Variants in C1D observed in about 807,000 individuals in gnomAD.
The protein encoded by C1D is C1D nuclear receptor corepressor, also known as nuclear nucleic acid-binding protein C1D.
A neutral mutation model predicts 17.5 loss-of-function variants in C1D; 10 were observed. The observed-to-expected ratio is 0.57, with a 90% CI of 0.35 to 0.97. The LOEUF is 0.97. Ranked by LOEUF, C1D falls within the 50% of genes least tolerant of loss-of-function variation. C1D has a pLI of 0.01. For synonymous variants in C1D, 49 were observed against 54.0 expected, an observed-to-expected ratio of 0.91 and a Z score of 0.40; for missense variants, 136 against 160.1, an observed-to-expected ratio of 0.85 and a Z score of 0.81.
At chr2:68,049,001 A>AGCCTGGCCAACATAGTGAAACCC (rs1454396232) in intron 1 of C1D, among the ~76,000 whole-genome samples, 2 of 152,132 alleles carry the variant, frequency 1.3e-5, no homozygotes, top group African/African-American at 2.4e-5. Flanking sequence ...GTTCGAGACC[A>AGCCTGGCCAACATAGTGAAACCC]GCCTGGCCAA....
chr2:68,046,779 C>T (rs1484555952), intron 2 of C1D, among the ~76,000 whole-genome samples: 1 of 152,058 alleles, frequency 6.6e-6, no homozygotes, highest in Non-Finnish European at 1.5e-5. Flanking sequence ...GTATAAGAAG[C>T]AGGCTTAGGC....
In C1D at chr2:68,046,412, T is replaced by C. The variant is rs1671122712; in HGVS notation, c.139-2A>G. 1.3e-5 allele frequency: 21 copies of C among 1,605,228 alleles called. No individual in the cohort carries two copies. Among genetic ancestry groups the C allele is most frequent in the Non-Finnish European group, 1.8e-5 (21 of 1,174,108 alleles). Reference sequence around the variant, plus strand: ...TTTTGCTTGTTCAAGTGGATCCAACTGTTAAAAAAGAAAGAGAGAGGGAAA... The same window carrying C: ...TTTTGCTTGTTCAAGTGGATCCAACCGTTAAAAAAGAAAGAGAGAGGGAAA... On this transcript the variant is annotated splice_acceptor_variant, in intron 2 of 4. Coordinates refer to ENST00000410067, the MANE Select transcript of C1D (RefSeq NM_173177.3). LOFTEE classifies it high-confidence loss of function.
In C1D at chr2:68,062,386, C is replaced by T. The variant is rs187354463; in HGVS notation, c.-10+572G>A. Among the ~76,000 whole-genome samples the T allele has an allele frequency of 2.8e-3, 419 of 152,270 alleles. 2 individuals are homozygous for T. Among genetic ancestry groups the T allele is most frequent in the African/African-American group, 9.8e-3 (408 of 41,544 alleles). ...TATTTTGAAACAAGTTTGAGTTACA[C>T]TGAACTTATCCGGGTCATCAAGAAA... On this transcript the variant is annotated intron_variant, in intron 1 of 4. Transcript: ENST00000410067.
Position 68,046,014 on chromosome 2 carries a change from T to C in C1D, c.235A>G (p.Lys79Glu). The C allele has an allele frequency of 6.3e-7, 1 of 1,590,272 alleles. No individual in the cohort carries two copies. The highest frequency in any genetic ancestry group is 8.6e-7 in the Non-Finnish European group (1 of 1,168,426). ...AATTCCTGTTTTACTGGATGTTCCT[T>C]AGGATTAACTCCTTGGGTTGCCAAA... Reference protein sequence around the residue: ...VYLATQGVNPKEHPVKQELER... With the variant: ...VYLATQGVNPEEHPVKQELER... The change falls in exon 4 of 5, where the codon AAG becomes GAG. Residue 79 changes from lysine (K) to glutamate (E), a missense_variant. Transcript: ENST00000410067.
chr2:68,056,741 G>A (rs1415738931), intron 1 of C1D, among the ~76,000 whole-genome samples: 1 of 152,102 alleles, frequency 6.6e-6, no homozygotes, highest in Admixed American at 6.5e-5. Flanking sequence ...GTCAAATAGG[G>A]AAAAATTAAA....
intron 1 of C1D, among the ~76,000 whole-genome samples, chr2:68,049,480 A>G (rs1000118970): frequency 1.3e-5 from 2 of 152,204 alleles, no homozygotes; most frequent in Non-Finnish European, 2.9e-5. Flanking sequence ...AATGAAAACA[A>G]TGATGTTCTT....
chr2:68,044,581 G>T (rs892170804), intron 4 of C1D, among the ~76,000 whole-genome samples: 1 of 152,118 alleles, frequency 6.6e-6, no homozygotes, highest in African/African-American at 2.4e-5. Context: ...GGTGGCAGGC[G>T]CCTGTAATTC....
At chr2:68,059,664 AC>A (rs1377010628) in intron 1 of C1D, among the ~76,000 whole-genome samples, 1 of 152,196 alleles carries the variant, frequency 6.6e-6, no homozygotes, top group Non-Finnish European at 1.5e-5. Flanking sequence ...GCTGCACCTG[AC>A]AAAACTGAAC....
chr2:68,051,195 G>T (rs1671270738), intron 1 of C1D, among the ~76,000 whole-genome samples: 1 of 152,130 alleles, frequency 6.6e-6, no homozygotes, highest in East Asian at 1.9e-4. Context: ...ACTTCCAAAG[G>T]CTTGCCACCT....
intron 1 of C1D, among the ~76,000 whole-genome samples, chr2:68,051,800 T>C (rs751154724): frequency 1.1e-4 from 16 of 152,016 alleles, no homozygotes; most frequent in Non-Finnish European, 8.8e-5. Context: ...GGTATCTCAC[T>C]CTTAACCACC....
chr2:68,053,699 CCTTG>C (rs2103808595), intron 1 of C1D, among the ~76,000 whole-genome samples: 1 of 152,312 alleles, frequency 6.6e-6, no homozygotes, highest in Admixed American at 6.5e-5. Context: ...ATGATGTGGC[CCTTG>C]CTTGTCTGCC....
At chr2:68,056,953 G>A (rs1671455376) in intron 1 of C1D, among the ~76,000 whole-genome samples, 1 of 152,082 alleles carries the variant, frequency 6.6e-6, no homozygotes, top group Non-Finnish European at 1.5e-5. Flanking sequence ...GACTTCCACT[G>A]CAATGATCTT....
intron 1 of C1D, among the ~76,000 whole-genome samples, chr2:68,055,026 A>C (rs377457380): frequency 4.1e-4 from 63 of 152,152 alleles, no homozygotes; most frequent in African/African-American, 1.4e-3. Flanking sequence ...CCTAGCATCA[A>C]AAATATTGTT....
intron 4 of C1D, 42 bp from the exon 5 acceptor site, chr2:68,043,095 T>A: frequency 6.9e-7 from 1 of 1,439,848 alleles, no homozygotes; most frequent in Non-Finnish European, 9.5e-7. Flanking sequence ...ACTAAGCTAT[T>A]CGCCACCACT....
In C1D at chr2:68,062,469, T is replaced by C. The variant is rs1671661904; in HGVS notation, c.-10+489A>G. On this transcript the variant is annotated intron_variant, in intron 1 of 4. Coordinates refer to ENST00000410067, the MANE Select transcript of C1D (RefSeq NM_173177.3). ...CAGCTAAAGGTCGAAATTAGCCCACTATCTCAGATGAGCTAATACTGCAGC... is the reference window on the plus strand; with the variant it reads ...CAGCTAAAGGTCGAAATTAGCCCACCATCTCAGATGAGCTAATACTGCAGC... 4.6e-5 allele frequency among the ~76,000 whole-genome samples: 7 copies of C among 152,316 alleles called. No homozygotes were observed. In the South Asian group the frequency reaches 1.5e-3, roughly 32 times the overall value.
Position 68,061,678 on chromosome 2 carries a change from T to C in C1D, c.-10+1280A>G, listed in dbSNP as rs914560766. Among the ~76,000 whole-genome samples the C allele has an allele frequency of 6.6e-5, 10 of 152,332 alleles. No individual in the cohort carries two copies. The South Asian group carries it at 1.0e-3, about 16-fold the overall frequency. On this transcript the variant is annotated intron_variant, in intron 1 of 4. Coordinates refer to ENST00000410067, the MANE Select transcript of C1D (RefSeq NM_173177.3). Reference sequence around the variant, plus strand: ...CTCAGTTAGCACTCAATACATTAGATAGTATTTTACTAAAAGTGAAAATTA... The same window carrying C: ...CTCAGTTAGCACTCAATACATTAGACAGTATTTTACTAAAAGTGAAAATTA...
At chr2:68,052,080 T>C (rs1572884189) in intron 1 of C1D, among the ~76,000 whole-genome samples, 2 of 152,106 alleles carry the variant, frequency 1.3e-5, no homozygotes, top group African/African-American at 4.8e-5. Flanking sequence ...TCCTTGAGAA[T>C]ATTACATGTC....
At chr2:68,044,570 T>G (rs1329169934) in intron 4 of C1D, among the ~76,000 whole-genome samples, 1 of 151,958 alleles carries the variant, frequency 6.6e-6, no homozygotes, top group Non-Finnish European at 1.5e-5. Flanking sequence ...TAGCTGGGCG[T>G]GGTGGCAGGC....
At chr2:68,057,899 C>T (rs1323168999) in intron 1 of C1D, among the ~76,000 whole-genome samples, 2 of 152,210 alleles carry the variant, frequency 1.3e-5, no homozygotes, top group Non-Finnish European at 2.9e-5. Context: ...CCTCCTCTGG[C>T]CTGCTTGCTA....
Sources: gnomAD v4.1 joint callset for allele counts (sites outside exome capture counted in the v4.1 genomes callset) on GRCh38, gnomAD v4.1.1 for gene constraint, MANE v1.5 for transcripts, NCBI Gene and HGNC (gene_info 2026-07-23, HGNC 2026-07-21) for gene names.